The following SCEL variants were observed in gnomAD, a reference collection of about 807,000 sequenced individuals.
SCEL encodes the protein sciellin.
A neutral mutation model predicts 117.6 loss-of-function variants in SCEL; 113 were observed. The ratio of observed to expected loss-of-function variants is 0.96; its 90% CI spans 0.83 to 1.12. The LOEUF (loss-of-function observed/expected upper bound fraction) is 1.12, where lower values mean the gene tolerates loss of function less well. SCEL is among the 50% of genes most tolerant of loss of function. The pLI is 0.00. For missense variants in SCEL, 785 were observed against 810.8 expected, an observed-to-expected ratio of 0.97 and a Z score of 0.39; for synonymous variants, 270 against 256.2, an observed-to-expected ratio of 1.05 and a Z score of -0.51.
chr13:77,538,104 GAA>G (rs1448184349), intron 1 of SCEL, among the ~76,000 whole-genome samples: 1 of 148,964 alleles, frequency 6.7e-6, no homozygotes, highest in African/African-American at 2.5e-5. Flanking sequence ...GCTCACTTCT[GAA>G]TCAAAAGTCT....
chr13:77,557,992 C>T (rs2154396005), intron 3 of SCEL, among the ~76,000 whole-genome samples: 1 of 152,320 alleles, frequency 6.6e-6, no homozygotes, highest in South Asian at 2.1e-4. Flanking sequence ...GATTTAGAGA[C>T]TCACACTAAC....
At chr13:77,559,728 C>T in intron 3 of SCEL, 76 bp from the exon 4 acceptor site, 1 of 1,314,622 alleles carries the variant, frequency 7.6e-7, no homozygotes. Flanking sequence ...AGCTCGCCCG[C>T]ATGTCTCTCT....
At chr13:77,552,568 G>C (rs1193129516) in intron 1 of SCEL, among the ~76,000 whole-genome samples, 1 of 151,970 alleles carries the variant, frequency 6.6e-6, no homozygotes, top group African/African-American at 2.4e-5. Context: ...AAATTTGTTT[G>C]AGTTCATTGT....
chr13:77,579,905 A>G (rs746308966), intron 9 of SCEL, among the ~76,000 whole-genome samples: 11 of 152,164 alleles, frequency 7.2e-5, no homozygotes, highest in Non-Finnish European at 1.6e-4. Flanking sequence ...GGGCGTGTGT[A>G]TGTGAGTGTA....
intron 30 of SCEL, among the ~76,000 whole-genome samples, chr13:77,640,116 C>A (rs1039519000): frequency 3.3e-5 from 5 of 151,964 alleles, no homozygotes; most frequent in Admixed American, 6.6e-5. Context: ...GATAGGTATC[C>A]TTATATCCTG....
intron 28 of SCEL, among the ~76,000 whole-genome samples, chr13:77,631,606 T>A (rs1284975331): frequency 6.6e-6 from 1 of 152,238 alleles, no homozygotes; most frequent in Non-Finnish European, 1.5e-5. Context: ...ATCTTTGGAA[T>A]TTTTCTGTAC....
rs549586209 is a variant in SCEL, at chr13:77,613,903, G to C, written c.1399G>C (p.Gly467Arg). The change falls in exon 24 of 33, where the codon GGT (glycine) becomes CGT (arginine). Residue 467 changes from glycine (G) to arginine (R), a missense_variant. Transcript: ENST00000349847. ...IPSANKSSEQGLDEHINVSPK... is the reference protein window; with the variant it reads ...IPSANKSSEQRLDEHINVSPK... ...CTAATTTTGTTTTAGCAGTGAACAAGGTCTTGATGAACATATTAATGTCAG... is the reference window on the plus strand; with the variant it reads ...CTAATTTTGTTTTAGCAGTGAACAACGTCTTGATGAACATATTAATGTCAG... 1 of 1,613,218 alleles carries C rather than the reference G, an allele frequency of 6.2e-7. No homozygotes were observed. Among genetic ancestry groups the C allele is most frequent in the South Asian group, 1.1e-5 (1 of 90,982 alleles).
intron 32 of SCEL, among the ~76,000 whole-genome samples, chr13:77,643,798 T>C (rs368165975): frequency 5.3e-5 from 8 of 152,294 alleles, no homozygotes; most frequent in Admixed American, 1.3e-4. Context: ...TTGCCTTCTA[T>C]ATTCTGCTTC....
chr13:77,559,921 G>A (rs762890147), intron 4 of SCEL, 58 bp downstream of exon 4: 166 of 1,441,732 alleles, frequency 1.2e-4, no homozygotes, highest in Non-Finnish European at 1.6e-4. Context: ...AGTTTTCAGA[G>A]AAGACTTGTT....
intron 27 of SCEL, among the ~76,000 whole-genome samples, chr13:77,620,327 A>G (rs1368359380): frequency 6.6e-6 from 1 of 152,178 alleles, no homozygotes; most frequent in Admixed American, 6.5e-5. Flanking sequence ...GCTATAAAGG[A>G]GAGTATTTTA....
At chr13:77,572,319 G>GAGCT in intron 9 of SCEL, 130 bp downstream of exon 9, 1 of 700,516 alleles carries the variant, frequency 1.4e-6, no homozygotes, top group Non-Finnish European at 2.4e-6. Context: ...GCTCTGTACA[G>GAGCT]GAGAGTGTCC....
At chr13:77,595,995 C>A (rs531215748) in intron 12 of SCEL, among the ~76,000 whole-genome samples, 1 of 152,214 alleles carries the variant, frequency 6.6e-6, no homozygotes, top group African/African-American at 2.4e-5. Context: ...AAGGCTAAGT[C>A]GAAGTCTTGG....
chr13:77,588,607 G>A (rs899139094), intron 9 of SCEL, among the ~76,000 whole-genome samples: 4 of 152,112 alleles, frequency 2.6e-5, no homozygotes, highest in Admixed American at 6.5e-5. Context: ...TTAGGCTGAC[G>A]GTAGATTGTA....
At chr13:77,608,995 C>A in intron 20 of SCEL, 63 bp from the exon 21 acceptor site, 1 of 1,318,834 alleles carries the variant, frequency 7.6e-7, no homozygotes, top group South Asian at 1.3e-5. Flanking sequence ...TCCTTTAAAT[C>A]AAAACAGTCA....
intron 31 of SCEL, among the ~76,000 whole-genome samples, chr13:77,641,005 T>C (rs2090532595): frequency 6.6e-6 from 1 of 152,180 alleles, no homozygotes; most frequent in Non-Finnish European, 1.5e-5. Context: ...TACTGACACA[T>C]TTATTCACTC....
chr13:77,539,784 T>C (rs541445300), intron 1 of SCEL, among the ~76,000 whole-genome samples: 62 of 152,306 alleles, frequency 4.1e-4, no homozygotes, highest in Middle Eastern at 3.4e-3. Context: ...TCTGCCCGCC[T>C]CTGCCTCCCA....
At chr13:77,623,704 C>A (rs905902434) in intron 27 of SCEL, among the ~76,000 whole-genome samples, 1 of 152,244 alleles carries the variant, frequency 6.6e-6, no homozygotes, top group African/African-American at 2.4e-5. Flanking sequence ...AGATCCAAAC[C>A]ATTCTTTCTC....
chr13:77,556,625 C>G lies in SCEL; in HGVS notation c.73C>G (p.Arg25Gly). ...EMKSTTQGTT[R>G]KQQDFHEVNK... ...GAAGAGCACCACTCAGGGAACCACACGGAAGCAGCAGGATTTTCACGAGGT... is the reference window on the plus strand; with the variant it reads ...GAAGAGCACCACTCAGGGAACCACAGGGAAGCAGCAGGATTTTCACGAGGT... The change falls in exon 3 of 33, where the codon CGG becomes GGG. Residue 25 changes from arginine to glycine, a missense_variant. Transcript: ENST00000349847. 3 of 1,613,878 alleles carry G rather than the reference C, an allele frequency of 1.9e-6. No individual in the cohort carries two copies. The highest frequency in any genetic ancestry group is 2.5e-6 in the Non-Finnish European group (3 of 1,179,826).
chr13:77,606,285 G>A (rs1239822154), intron 19 of SCEL, among the ~76,000 whole-genome samples: 1 of 152,160 alleles, frequency 6.6e-6, no homozygotes, highest in Non-Finnish European at 1.5e-5. Flanking sequence ...GTATATGGGT[G>A]CATATGTACA....
Sources: allele counts gnomAD v4.1 joint callset (sites outside exome capture counted in the v4.1 genomes callset), GRCh38; gene constraint gnomAD v4.1.1; transcripts MANE v1.5; gene names NCBI Gene and HGNC (gene_info 2026-07-23, HGNC 2026-07-21).